Variants in KDM5C observed in about 807,000 individuals in gnomAD.
KDM5C encodes lysine-specific demethylase 5C.
A neutral mutation model predicts 110.6 loss-of-function variants in KDM5C; 16 were observed. The ratio of observed to expected loss-of-function variants is 0.14; its 90% CI spans 0.10 to 0.22. The LOEUF (loss-of-function observed/expected upper bound fraction) is 0.22, where lower values mean the gene tolerates loss of function less well. KDM5C is among the 10% of genes least tolerant of loss of function. The pLI, the probability that KDM5C is intolerant of heterozygous loss-of-function variation, is 1.00. For synonymous variants in KDM5C, 511 were observed against 520.4 expected (o/e 0.98, Z 0.24); for missense variants, 681 against 1,300.9 (o/e 0.52, Z 7.33).
At position 53,192,882 on chromosome X, in the gene KDM5C, C is replaced by CCCCCCCACA; in HGVS notation, c.*84_*85insTGTGGGGGG. 1 of 1,061,103 alleles carries CCCCCCCACA rather than the reference C, an allele frequency of 9.4e-7. No homozygotes were observed. The highest frequency in any genetic ancestry group is 3.2e-5 in the East Asian group (1 of 30,846). The allele number at this position is 1,061,103 out of a possible 1,213,427, so 87.4% of individuals were successfully genotyped here. On this transcript the variant is annotated 3_prime_UTR_variant, in exon 26 of 26. Coordinates refer to ENST00000375401, the MANE Select transcript of KDM5C (RefSeq NM_004187.5). ...GGCCACCCCCCTACCCGCCCACCCCCCAAGAAGCAGGCTTGATGGTCAGAA... is the reference window on the plus strand; with the variant it reads ...GGCCACCCCCCTACCCGCCCACCCCCCCCCCCACACAAGAAGCAGGCTTGATGGTCAGAA...
At position 53,197,004 on chromosome X, in the gene KDM5C, C is replaced by A. The variant is rs375850872; in HGVS notation, c.2663G>T (p.Arg888Leu). The change falls in exon 19 of 26, where the codon CGT becomes CTT. Residue 888 changes from arginine to leucine, a missense_variant. Physicochemically the swap from Arg to Leu is moderately radical, Grantham distance 102. Coordinates refer to ENST00000375401, the MANE Select transcript of KDM5C (RefSeq NM_004187.5). The part of the protein sequence containing the change: ...EQVEAYQAEA[R>L]EALASLPSSP... Reference sequence around the variant, plus strand: ...GGAGGGCAGTGAGGCCAGGGCCTCACGAGCCTCAGCCTGGTAGGCCTCCAC... The same window carrying A: ...GGAGGGCAGTGAGGCCAGGGCCTCAAGAGCCTCAGCCTGGTAGGCCTCCAC... The A allele has an allele frequency of 2.4e-5, 28 of 1,190,656 alleles. No individual in the cohort carries two copies. Among genetic ancestry groups the A allele is most frequent in the Non-Finnish European group, 3.0e-5 (27 of 885,605 alleles).
intron 8 of KDM5C, among the ~76,000 whole-genome samples, chrX:53,214,106 C>T (rs782237446): frequency 1.8e-5 from 2 of 109,917 alleles, no homozygotes; most frequent in African/African-American, 6.6e-5. Context: ...AGGCGTGCGC[C>T]ACCATGCCTG....
At chrX:53,190,345 G>A (rs190878289), downstream of KDM5C, among the ~76,000 whole-genome samples, 1 of 112,640 alleles carries the variant, frequency 8.9e-6, no homozygotes, top group Non-Finnish European at 1.9e-5. Flanking sequence ...CATGGTAAAG[G>A]CTGTCTGAAA....
intron 12 of KDM5C, among the ~76,000 whole-genome samples, chrX:53,208,441 A>C (rs781995288): frequency 2.0e-5 from 2 of 97,890 alleles, no homozygotes; most frequent in East Asian, 6.7e-4. Flanking sequence ...ATATATATAT[A>C]TACACACACA....
In KDM5C at chrX:53,224,865, G is replaced by A. The variant is rs782183376; in HGVS notation, c.25C>T (p.Leu9=). 25 of 1,207,041 alleles carry A rather than the reference G, an allele frequency of 2.1e-5. No homozygotes were observed. Residue 9 remains leucine (L), a synonymous_variant, in exon 1 of 26, where the codon CTA becomes TTA. Transcript: ENST00000375401. ...AACACCGGGCACTCCGGTGGCGGTA[G>A]GAAATCGTCGGACCCCGGCTCCATG... MEPGSDDF[L]PPPECPVFEP... is the part of the protein sequence containing the mutation.
chrX:53,189,343 C>T (rs1871513184), downstream of KDM5C, among the ~76,000 whole-genome samples: 1 of 112,142 alleles, frequency 8.9e-6, no homozygotes, highest in African/African-American at 3.2e-5. Context: ...TGGTGAAAAT[C>T]CCAGCTCTGC....
intron 5 of KDM5C, among the ~76,000 whole-genome samples, chrX:53,216,652 A>G (rs1188227250): frequency 9.0e-6 from 1 of 111,629 alleles, no homozygotes; most frequent in East Asian, 2.8e-4. Flanking sequence ...AGACATAGCT[A>G]CAAGGAGCTG....
intron 25 of KDM5C, among the ~76,000 whole-genome samples, chrX:53,180,240 A>T (rs1933995961): frequency 9.0e-6 from 1 of 111,599 alleles, no homozygotes; most frequent in Admixed American, 9.6e-5. Context: ...AACTATGGAG[A>T]CAGTAAAAAA....
At chrX:53,214,432 A>G (rs1178349416) in intron 8 of KDM5C, 1 of 372,765 alleles carries the variant, frequency 2.7e-6, no homozygotes, top group Non-Finnish European at 4.7e-6. Flanking sequence ...CTAACACACA[A>G]TTTAGCCTCT....
downstream of KDM5C, among the ~76,000 whole-genome samples, chrX:53,191,056 G>A (rs1212078876): frequency 1.8e-5 from 2 of 111,545 alleles, no homozygotes; most frequent in East Asian, 2.8e-4. Flanking sequence ...GAACACTCAA[G>A]ACCACAAAGA....
intron 25 of KDM5C, among the ~76,000 whole-genome samples, chrX:53,179,036 G>T (rs1933956033): frequency 8.9e-6 from 1 of 111,734 alleles, no homozygotes; most frequent in African/African-American, 3.3e-5. Flanking sequence ...GGAGTTCAAG[G>T]CCAGCCTGGC....
In KDM5C at chrX:53,197,024, C is replaced by A. The variant is rs781955958; in HGVS notation, c.2643G>T (p.Glu881Asp). ...CCTCACGAGCCTCAGCCTGGTAGGC[C>A]TCCACCTGTTCCAGAACACCCTACC... ...GDVKGVLEQV[E>D]AYQAEAREAL... The change falls in exon 19 of 26, where the codon GAG becomes GAT. Residue 881 changes from glutamate (E) to aspartate (D), a missense_variant. Glu to Asp is a conservative substitution (Grantham distance 45). Transcript: ENST00000375401. 1 of 1,191,558 alleles carries A rather than the reference C, an allele frequency of 8.4e-7. No homozygotes were observed. The highest frequency in any genetic ancestry group is 1.8e-5 in the South Asian group (1 of 54,712).
intron 8 of KDM5C, chrX:53,214,406 C>T: frequency 3.0e-6 from 1 of 329,583 alleles, no homozygotes; most frequent in Non-Finnish European, 5.3e-6. Context: ...CTCTGAACTT[C>T]TATATCTCAG....
At chrX:53,215,712 C>A in intron 7 of KDM5C, 83 bp downstream of exon 7, 2 of 1,047,964 alleles carry the variant, frequency 1.9e-6, no homozygotes, top group Non-Finnish European at 2.7e-6. Context: ...GTGGTTAATG[C>A]GAACTGGTCC....
At chrX:53,197,387 G>A (rs1184875237) in intron 18 of KDM5C, among the ~76,000 whole-genome samples, 1 of 111,294 alleles carries the variant, frequency 9.0e-6, no homozygotes, top group Non-Finnish European at 1.9e-5. Flanking sequence ...AAATTGCTAT[G>A]ATTAGTCCTC....
At chrX:53,207,328 G>C (rs1473670989) in intron 12 of KDM5C, among the ~76,000 whole-genome samples, 2 of 111,015 alleles carry the variant, frequency 1.8e-5, no homozygotes, top group Non-Finnish European at 3.8e-5. Flanking sequence ...AGTATTAAGT[G>C]AGATACTTTG....
Position 53,201,621 on chromosome X carries a change from C to T in KDM5C, c.1990G>A (p.Ala664Thr), listed in dbSNP as rs2146865160. The T allele has an allele frequency of 8.3e-7, 1 of 1,212,057 alleles. No homozygotes were observed. Among genetic ancestry groups the T allele is most frequent in the Non-Finnish European group, 1.1e-6 (1 of 895,550 alleles). ...CPEKLDLNLA[A>T]AVHKEMFIMV... ...ATGAACATCTCCTTATGCACAGCTGCCGCCAGGTTCAGGTCTAGCTTCTCT... is the reference window on the plus strand; with the variant it reads ...ATGAACATCTCCTTATGCACAGCTGTCGCCAGGTTCAGGTCTAGCTTCTCT... Residue 664 changes from alanine (A) to threonine (T), a missense_variant, in exon 14 of 26, where the codon GCA becomes ACA. By Grantham distance (58) the Ala-to-Thr change is moderately conservative. Around this residue, in one of 14 missense-constraint regions of KDM5C, gnomAD observed 42 missense variants for 98.9 expected, o/e 0.42. Transcript: ENST00000375401.
chrX:53,192,858 G>GCCCCCCCCCCCCCCCCCCCC lies in KDM5C; in HGVS notation c.*108_*109insGGGGGGGGGGGGGGGGGGGG. ...CAGGGGTGGGCGGGTAGCAGGGATGGCCACCCCCCTACCCGCCCACCCCCC... is the reference window on the plus strand; with the variant it reads ...CAGGGGTGGGCGGGTAGCAGGGATGGCCCCCCCCCCCCCCCCCCCCCCACCCCCCTACCCGCCCACCCCCC... On this transcript the variant is annotated 3_prime_UTR_variant, in exon 26 of 26. Transcript: ENST00000375401. 3 of 728,429 alleles carry GCCCCCCCCCCCCCCCCCCCC rather than the reference G, an allele frequency of 4.1e-6. No homozygotes were observed. Among genetic ancestry groups the GCCCCCCCCCCCCCCCCCCCC allele is most frequent in the African/African-American group, 2.8e-5 (1 of 35,795 alleles). 60.0% of individuals were successfully genotyped at this position (728,429 alleles called of 1,213,427 possible).
chrX:53,211,761 C>T, intron 9 of KDM5C, 26 bp downstream of exon 9: 1 of 1,211,367 alleles, frequency 8.3e-7, no homozygotes, highest in East Asian at 3.0e-5. Context: ...CCTAGCCCAA[C>T]ACTACCTCAG....
Sources: gnomAD v4.1 joint callset for allele counts (sites outside exome capture counted in the v4.1 genomes callset) on GRCh38, gnomAD v4.1.1 for gene constraint, gnomAD v4.1.1 regional missense constraint, MANE v1.5 for transcripts, NCBI Gene and HGNC (gene_info 2026-07-23, HGNC 2026-07-21) for gene names.